The following ARHGAP6 variants were observed in gnomAD, a reference collection of about 807,000 sequenced individuals.
ARHGAP6 encodes the protein rho GTPase-activating protein 6.
ARHGAP6 carries 16 observed loss-of-function variants against 55.7 expected under a neutral mutation model. The ratio of observed to expected loss-of-function variants is 0.29; its 90% CI spans 0.19 to 0.44. ARHGAP6 has a LOEUF of 0.44. Ranked by LOEUF, ARHGAP6 falls within the 20% of genes least tolerant of loss-of-function variation. The pLI, the probability that ARHGAP6 is intolerant of heterozygous loss-of-function variation, is 1.00. For missense variants in ARHGAP6, 698 were observed against 808.9 expected (o/e 0.86, Z 1.66); for synonymous variants, 382 against 360.9 (o/e 1.06, Z -0.66).
At chrX:11,314,827 A>G (rs748057205) in intron 1 of ARHGAP6, among the ~76,000 whole-genome samples, 3 of 111,846 alleles carry the variant, frequency 2.7e-5, no homozygotes, top group Non-Finnish European at 5.6e-5. Flanking sequence ...AGGAAAAATA[A>G]CTAATGGGTA....
chrX:11,611,755 A>G (rs190254400), intron 1 of ARHGAP6, among the ~76,000 whole-genome samples: 2 of 111,373 alleles, frequency 1.8e-5, no homozygotes, highest in Non-Finnish European at 3.8e-5. Context: ...TCATCCTTCA[A>G]GGCTACTCAC....
At chrX:11,575,040 A>T (rs2051579899) in intron 1 of ARHGAP6, among the ~76,000 whole-genome samples, 1 of 112,153 alleles carries the variant, frequency 8.9e-6, no homozygotes, top group African/African-American at 3.2e-5. Context: ...TGACTAAGGG[A>T]TTGTGCTAAG....
intron 1 of ARHGAP6, among the ~76,000 whole-genome samples, chrX:11,342,682 A>C (rs1210420626): frequency 8.9e-6 from 1 of 112,333 alleles, no homozygotes; most frequent in Non-Finnish European, 1.9e-5. Flanking sequence ...TTTGAGGTTT[A>C]GATTTTTATG....
intron 1 of ARHGAP6, among the ~76,000 whole-genome samples, chrX:11,594,551 A>G (rs192039126): frequency 9.0e-6 from 1 of 110,978 alleles, no homozygotes; most frequent in Admixed American, 9.6e-5. Context: ...AGTGAACATT[A>G]CCACCTGAAC....
intron 1 of ARHGAP6, among the ~76,000 whole-genome samples, chrX:11,561,534 C>A (rs1601646189): frequency 1.8e-5 from 2 of 111,648 alleles, no homozygotes; most frequent in African/African-American, 6.5e-5. Context: ...GAGAATGAGA[C>A]CTTTAATAAA....
At chrX:11,255,417 A>G (rs976518598) in intron 1 of ARHGAP6, among the ~76,000 whole-genome samples, 1 of 109,924 alleles carries the variant, frequency 9.1e-6, no homozygotes, top group African/African-American at 3.3e-5. Flanking sequence ...ATCTAGTATA[A>G]TATATGAGAA....
chrX:11,656,860 T>C (rs778721395), intron 1 of ARHGAP6, among the ~76,000 whole-genome samples: 34 of 112,338 alleles, frequency 3.0e-4, no homozygotes, highest in Middle Eastern at 4.6e-3. Context: ...TTGGGGGACA[T>C]TGTTCTGTCT....
intron 1 of ARHGAP6, among the ~76,000 whole-genome samples, chrX:11,273,092 T>C (rs753021058): frequency 1.7e-4 from 19 of 110,612 alleles, no homozygotes; most frequent in Non-Finnish European, 2.5e-4. Flanking sequence ...CAGGTTTTGA[T>C]TGCTTTTTCC....
intron 1 of ARHGAP6, among the ~76,000 whole-genome samples, chrX:11,653,237 A>C (rs1050812221): frequency 3.6e-5 from 4 of 112,491 alleles, no homozygotes; most frequent in Non-Finnish European, 5.6e-5. Context: ...TACTGGAATG[A>C]AGGCAGCCCC....
At chrX:11,386,273 A>G (rs1381484240) in intron 1 of ARHGAP6, among the ~76,000 whole-genome samples, 2 of 113,222 alleles carry the variant, frequency 1.8e-5, no homozygotes, top group Admixed American at 1.9e-4. Flanking sequence ...GCAATTTATG[A>G]TTTATTTTAG....
chrX:11,219,002 G>C (rs377305849), intron 2 of ARHGAP6, among the ~76,000 whole-genome samples: 3 of 105,392 alleles, frequency 2.8e-5, no homozygotes, highest in East Asian at 6.3e-4. Flanking sequence ...TCGTCGTCTA[G>C]CATTAGGTAT....
chrX:11,259,897 A>T (rs2047536397), intron 1 of ARHGAP6, among the ~76,000 whole-genome samples: 1 of 111,198 alleles, frequency 9.0e-6, no homozygotes, highest in African/African-American at 3.3e-5. Context: ...AGATGTCCAT[A>T]CCCGAATCCC....
At chrX:11,266,379 T>G (rs1017152034) in intron 1 of ARHGAP6, among the ~76,000 whole-genome samples, 13 of 111,538 alleles carry the variant, frequency 1.2e-4, no homozygotes, top group Admixed American at 1.1e-3. Context: ...TCTTAAATTA[T>G]ATTTTAAAAC....
At chrX:11,433,952 T>C (rs2049963744) in intron 1 of ARHGAP6, among the ~76,000 whole-genome samples, 1 of 112,431 alleles carries the variant, frequency 8.9e-6, no homozygotes, top group Non-Finnish European at 1.9e-5. Flanking sequence ...GAGATTCTTT[T>C]TGACAAATCA....
chrX:11,354,327 C>A (rs12837046), intron 1 of ARHGAP6, among the ~76,000 whole-genome samples: 6,144 of 32,162 alleles, frequency 0.19, 702 homozygotes, highest in East Asian at 0.24. Context: ...CTCTCTCTCT[C>A]TATATATATA....
At chrX:11,471,579 TAA>T (rs2147827440) in intron 1 of ARHGAP6, among the ~76,000 whole-genome samples, 1 of 112,628 alleles carries the variant, frequency 8.9e-6, no homozygotes, top group Non-Finnish European at 1.9e-5. Context: ...AAAATTTTGC[TAA>T]ATGATACTAA....
chrX:11,490,952 A>G (rs1302084580), intron 1 of ARHGAP6, among the ~76,000 whole-genome samples: 3 of 112,406 alleles, frequency 2.7e-5, no homozygotes, highest in Non-Finnish European at 5.6e-5. Flanking sequence ...TGTAATGCCA[A>G]ATGTGAATGG....
At chrX:11,616,993 G>A (rs2147159767) in intron 1 of ARHGAP6, among the ~76,000 whole-genome samples, 1 of 112,103 alleles carries the variant, frequency 8.9e-6, no homozygotes, top group African/African-American at 3.2e-5. Flanking sequence ...TTAAATGGGT[G>A]TGGAGCTATA....
chrX:11,573,192 A>C (rs1332280485), intron 1 of ARHGAP6, among the ~76,000 whole-genome samples: 1 of 110,358 alleles, frequency 9.1e-6, no homozygotes, highest in East Asian at 2.8e-4. Context: ...TAGTTTAATT[A>C]GATCCCATTT....
Sources: allele counts gnomAD v4.1 joint callset (sites outside exome capture counted in the v4.1 genomes callset), GRCh38; gene constraint gnomAD v4.1.1; transcripts MANE v1.5; gene names NCBI Gene and HGNC (gene_info 2026-07-23, HGNC 2026-07-21).